DNAH3: variants seen among roughly 807,000 people sequenced by gnomAD.
The protein encoded by DNAH3 is dynein axonemal heavy chain 3.
In DNAH3, 332 loss-of-function variants were observed where a neutral mutation model predicts 432.5. The ratio of observed to expected loss-of-function variants is 0.77; its 90% confidence interval spans 0.70 to 0.84. The LOEUF (loss-of-function observed/expected upper bound fraction) is 0.84. Among genes scored for constraint, DNAH3 ranks in the 40% least tolerant of loss-of-function variants. The probability of loss-of-function intolerance (pLI) is 0.00; values close to 1 mark genes in which losing one functional copy is unlikely to be tolerated. For synonymous variants in DNAH3, 1,956 were observed against 1,900.2 expected (o/e 1.03, Z -0.76); for missense variants, 4,861 against 5,114.0 (o/e 0.95, Z 1.51).
exon 48 of DNAH3, chr16:20,985,369 A>G: frequency 1.2e-6 from 2 of 1,614,084 alleles, no homozygotes; most frequent in African/African-American, 1.3e-5. Flanking sequence ...GGTGATCTCA[A>G]TCTGGTATAG....
exon 32 of DNAH3, chr16:21,042,141 C>T: frequency 6.2e-7 from 1 of 1,613,256 alleles, no homozygotes; most frequent in Non-Finnish European, 8.5e-7. Context: ...ATGTCTTTAG[C>T]TTCCGAATGA....
At chr16:21,089,401 G>A (rs2091468496) in intron 18 of DNAH3, among the ~76,000 whole-genome samples, 1 of 152,112 alleles carries the variant, frequency 6.6e-6, no homozygotes, top group African/African-American at 2.4e-5. Flanking sequence ...CTCAATAACA[G>A]CAGAGTACAC....
exon 38 of DNAH3, chr16:21,027,077 C>T (rs758457735): frequency 1.9e-6 from 3 of 1,613,752 alleles, no homozygotes; most frequent in Non-Finnish European, 2.5e-6. Flanking sequence ...GCTCGAAGAT[C>T]AGGCTCATCT....
intron 49 of DNAH3, among the ~76,000 whole-genome samples, chr16:20,982,204 C>G (rs929722324): frequency 6.6e-6 from 1 of 151,722 alleles, no homozygotes; most frequent in Non-Finnish European, 1.5e-5. Flanking sequence ...GCCAACATGG[C>G]GAAACCCCAT....
exon 8 of DNAH3, chr16:21,127,713 C>G: frequency 6.2e-7 from 1 of 1,614,112 alleles, no homozygotes; most frequent in Middle Eastern, 1.7e-4. Context: ...GGTGTGCCTC[C>G]AGGCAGTGTT....
At chr16:21,122,743 G>A (rs926563959) in intron 9 of DNAH3, among the ~76,000 whole-genome samples, 5 of 151,434 alleles carry the variant, frequency 3.3e-5, no homozygotes, top group Non-Finnish European at 5.9e-5. Flanking sequence ...AAGCCTCCCT[G>A]TTTCTCAGCT....
intron 14 of DNAH3, among the ~76,000 whole-genome samples, chr16:21,111,124 A>G (rs537416082): frequency 2.0e-4 from 31 of 152,262 alleles, no homozygotes; most frequent in South Asian, 1.7e-3. Context: ...CGAGGCTACA[A>G]TGAGCTATGA....
In DNAH3 at chr16:21,136,620, C is replaced by T. The variant is rs528814703; in HGVS notation, c.697-107G>A. 4.1e-5 allele frequency: 41 copies of T among 1,012,018 alleles called. No homozygotes were observed. In the Admixed American group the frequency reaches 7.2e-4, roughly 18 times the overall value. The allele number at this position is 1,012,018 out of a possible 1,614,324, so 62.7% of individuals were successfully genotyped here. A position where few individuals can be genotyped will look rare whatever the true frequency, so the allele number is the denominator to read the frequency against. On this transcript the variant is annotated intron_variant, in intron 5 of 61. Transcript: ENST00000261383. ...ACCCCATTCATACAGCATTCGTCTG[C>T]ACCCTTCACTTGCCATAACCATGCA...
At chr16:20,962,198 AT>A (rs1348268924) in intron 53 of DNAH3, among the ~76,000 whole-genome samples, 7 of 152,006 alleles carry the variant, frequency 4.6e-5, no homozygotes, top group South Asian at 2.1e-4. Flanking sequence ...ATTAAAAAAA[AT>A]AATCATTGTG....
intron 12 of DNAH3, among the ~76,000 whole-genome samples, chr16:21,115,108 T>G (rs1201675874): frequency 6.6e-6 from 1 of 152,136 alleles, no homozygotes; most frequent in Non-Finnish European, 1.5e-5. Flanking sequence ...TGGATGAAGC[T>G]GGAAACCATC....
chr16:20,988,194 G>A lies in DNAH3; in HGVS notation c.6602-129C>T, dbSNP rs186063404. On this transcript the variant is annotated intron_variant, in intron 44 of 61. Coordinates refer to ENST00000261383, the Ensembl canonical transcript of DNAH3. The stretch of plus-strand genomic sequence containing the variant: ...GTTCCAGAGCTGTGCTGTGCAATAT[G>A]GCAACCTCTAGCCACCTGCAGCAAA... The A allele has an allele frequency of 3.9e-4, 440 of 1,142,556 alleles. 7 individuals carry two copies. The Admixed American group carries it at 9.9e-3, about 26-fold the overall frequency. The allele number at this position is 1,142,556 out of a possible 1,614,324, so 70.8% of individuals were successfully genotyped here. A position where few individuals can be genotyped will look rare whatever the true frequency, so the allele number is the denominator to read the frequency against.
At chr16:20,977,862 G>A (rs934350369) in intron 50 of DNAH3, among the ~76,000 whole-genome samples, 3 of 152,114 alleles carry the variant, frequency 2.0e-5, no homozygotes, top group Admixed American at 6.6e-5. Context: ...AGACACGACC[G>A]ACCTCACCCT....
chr16:21,124,559 T>C (rs2092407321), intron 9 of DNAH3, among the ~76,000 whole-genome samples: 1 of 152,226 alleles, frequency 6.6e-6, no homozygotes, highest in South Asian at 2.1e-4. Context: ...AAATTGATAC[T>C]GATTAATTGT....
At chr16:21,087,013 T>C in exon 19 of DNAH3, 1 of 1,614,168 alleles carries the variant, frequency 6.2e-7, no homozygotes, top group Non-Finnish European at 8.5e-7. Context: ...CTCCACATAT[T>C]CCCTATCTCC....
At chr16:20,954,446 C>T (rs775285918) in intron 55 of DNAH3, among the ~76,000 whole-genome samples, 9 of 151,590 alleles carry the variant, frequency 5.9e-5, no homozygotes, top group Non-Finnish European at 1.0e-4. Flanking sequence ...GGCACCACCA[C>T]ACCCGGCTAA....
intron 59 of DNAH3, among the ~76,000 whole-genome samples, chr16:20,940,277 G>A (rs777604901): frequency 1.3e-5 from 2 of 151,796 alleles, no homozygotes; most frequent in African/African-American, 4.8e-5. Flanking sequence ...TGCCCAGGCT[G>A]GTCTTAAACC....
chr16:21,039,084 T>A (rs1316197907), intron 33 of DNAH3, among the ~76,000 whole-genome samples: 2 of 152,228 alleles, frequency 1.3e-5, no homozygotes, highest in African/African-American at 2.4e-5. Flanking sequence ...GATCCGTGTA[T>A]AACTGTGTGT....
At chr16:21,021,028 T>C (rs966911406) in intron 40 of DNAH3, among the ~76,000 whole-genome samples, 2 of 152,210 alleles carry the variant, frequency 1.3e-5, no homozygotes, top group African/African-American at 4.8e-5. Context: ...GTATAATGGC[T>C]TTAGTGTTCA....
At chr16:21,061,447 C>T (rs1474743924) in intron 25 of DNAH3, among the ~76,000 whole-genome samples, 3 of 150,954 alleles carry the variant, frequency 2.0e-5, no homozygotes. Flanking sequence ...TGGTCTCAAA[C>T]TCCTGACCTT....
Sources: gnomAD v4.1 joint callset for allele counts (sites outside exome capture counted in the v4.1 genomes callset) on GRCh38, gnomAD v4.1.1 for gene constraint, MANE v1.5 for transcripts, NCBI Gene and HGNC (gene_info 2026-07-23, HGNC 2026-07-21) for gene names.